The following ADGRB3 variants were observed in gnomAD, a reference collection of about 807,000 sequenced individuals.
The protein encoded by ADGRB3 is brain-specific angiogenesis inhibitor 3.
In ADGRB3, 37 loss-of-function variants were observed where a neutral mutation model predicts 193.4. The observed-to-expected ratio is 0.19, with a 90% CI of 0.15 to 0.25. ADGRB3 has a LOEUF of 0.25. Among genes scored for constraint, ADGRB3 ranks in the 10% least tolerant of loss-of-function variants. The pLI is 1.00. For missense variants in ADGRB3, 1,637 were observed against 1,852.9 expected, an observed-to-expected ratio of 0.88 and a Z score of 2.14; for synonymous variants, 690 against 644.2, an observed-to-expected ratio of 1.07 and a Z score of -1.08.
At chr6:69,323,332 T>C (rs1451929112) in intron 20 of ADGRB3, among the ~76,000 whole-genome samples, 2 of 151,920 alleles carry the variant, frequency 1.3e-5, no homozygotes, top group Non-Finnish European at 2.9e-5. Flanking sequence ...TTCAAATGGA[T>C]TGGTGACTAT....
intron 13 of ADGRB3, among the ~76,000 whole-genome samples, chr6:69,030,954 T>TTTTTTCTTTTCTTTTC (rs149824624): frequency 4.0e-5 from 1 of 24,890 alleles, no homozygotes; most frequent in African/African-American, 2.6e-4. Context: ...TTTTCTTTTC[T>TTTTTTCTTTTCTTTTC]TTTTTTCTTT....
At chr6:69,069,340 C>T (rs764263157) in intron 16 of ADGRB3, among the ~76,000 whole-genome samples, 3 of 151,804 alleles carry the variant, frequency 2.0e-5, no homozygotes, top group Non-Finnish European at 4.4e-5. Context: ...GTCCCTCTCA[C>T]TGATCAACTA....
chr6:68,941,689 T>C (rs1767646679), intron 5 of ADGRB3, among the ~76,000 whole-genome samples: 2 of 151,860 alleles, frequency 1.3e-5, no homozygotes, highest in South Asian at 2.1e-4. Context: ...GGAGAAAAGG[T>C]TTTTAAAATT....
intron 17 of ADGRB3, among the ~76,000 whole-genome samples, chr6:69,199,413 A>C (rs1253822838): frequency 2.0e-5 from 3 of 152,120 alleles, no homozygotes; most frequent in South Asian, 2.1e-4. Flanking sequence ...AATAATCTGC[A>C]TAATACCATT....
chr6:69,351,965 A>C (rs1167931793), intron 26 of ADGRB3, among the ~76,000 whole-genome samples: 1 of 152,178 alleles, frequency 6.6e-6, no homozygotes, highest in Admixed American at 6.5e-5. Flanking sequence ...TTCATGAGAC[A>C]AGCTCCCAGA....
chr6:68,956,252 G>T, intron 7 of ADGRB3, 64 bp downstream of exon 7: 2 of 1,486,864 alleles, frequency 1.3e-6, no homozygotes, highest in South Asian at 2.7e-5. Flanking sequence ...TATAAAATGT[G>T]TCAGAACTAT....
At position 69,060,220 on chromosome 6, in the gene ADGRB3, TTC is replaced by T. The variant is rs556453350; in HGVS notation, c.2334-2685_2334-2684del. Among the ~76,000 whole-genome samples the T allele has an allele frequency of 2.7e-3, 352 of 129,464 alleles. 3 individuals are homozygous for T. Among genetic ancestry groups the T allele is most frequent in the African/African-American group, 7.5e-3 (242 of 32,156 alleles). 84.9% of individuals were successfully genotyped at this position (129,464 alleles called of 152,430 possible). Reference sequence around the variant, plus strand: ...TCTCTTTCTCTGTCTCTCTCTCTCTTTCTCTCTCTCTCTCTCTCTCTCTCTCT... The same window carrying T: ...TCTCTTTCTCTGTCTCTCTCTCTCTTTCTCTCTCTCTCTCTCTCTCTCTCT... On this transcript the variant is annotated intron_variant, in intron 15 of 31. Coordinates refer to ENST00000370598, the MANE Select transcript of ADGRB3 (RefSeq NM_001704.3).
chr6:68,736,040 C>G (rs1332958577), intron 3 of ADGRB3, among the ~76,000 whole-genome samples: 1 of 152,084 alleles, frequency 6.6e-6, no homozygotes, highest in African/African-American at 2.4e-5. Flanking sequence ...GAGACTGAGT[C>G]TTGTTCTGTT....
intron 17 of ADGRB3, among the ~76,000 whole-genome samples, chr6:69,152,841 C>T (rs1280554247): frequency 2.0e-5 from 3 of 152,020 alleles, no homozygotes; most frequent in African/African-American, 7.2e-5. Context: ...TTATGCTGTA[C>T]TGTAATAGTA....
At chr6:68,802,545 T>C (rs1767332658) in intron 3 of ADGRB3, among the ~76,000 whole-genome samples, 1 of 152,164 alleles carries the variant, frequency 6.6e-6, no homozygotes. Flanking sequence ...TGAATATTCA[T>C]GAATCTTGTG....
At chr6:68,958,870 AGTGTG>A (rs1768152709) in intron 8 of ADGRB3, among the ~76,000 whole-genome samples, 1 of 147,234 alleles carries the variant, frequency 6.8e-6, no homozygotes, top group East Asian at 2.0e-4. Context: ...AAAGAAAAAT[AGTGTG>A]TGTGTGTGTG....
chr6:69,300,374 A>G (rs184280273), intron 20 of ADGRB3, among the ~76,000 whole-genome samples: 1 of 151,900 alleles, frequency 6.6e-6, no homozygotes, highest in Non-Finnish European at 1.5e-5. Context: ...TAAACAAGGG[A>G]AAACTAGAAG....
intron 17 of ADGRB3, among the ~76,000 whole-genome samples, chr6:69,111,408 AC>A (rs1243040677): frequency 6.6e-6 from 1 of 150,730 alleles, no homozygotes; most frequent in East Asian, 2.0e-4. Context: ...GAAAAACAAG[AC>A]CCCCCTTTTT....
At chr6:69,247,762 G>A (rs1023006819) in intron 20 of ADGRB3, among the ~76,000 whole-genome samples, 69 of 152,008 alleles carry the variant, frequency 4.5e-4, no homozygotes, top group Admixed American at 4.6e-4. Flanking sequence ...TATATATGGC[G>A]TGAAATTAAT....
At chr6:68,899,297 T>A (rs1766327444) in intron 3 of ADGRB3, among the ~76,000 whole-genome samples, 1 of 152,108 alleles carries the variant, frequency 6.6e-6, no homozygotes, top group South Asian at 2.1e-4. Flanking sequence ...TTGCCATTCT[T>A]TTTTTTATTA....
chr6:68,745,756 T>C (rs1766070809), intron 3 of ADGRB3, among the ~76,000 whole-genome samples: 2 of 152,080 alleles, frequency 1.3e-5, no homozygotes, highest in South Asian at 4.1e-4. Flanking sequence ...TATATGTGTA[T>C]ATATCCCCCC....
intron 16 of ADGRB3, among the ~76,000 whole-genome samples, chr6:69,065,754 T>C (rs1218274530): frequency 4.7e-5 from 3 of 63,440 alleles, no homozygotes; most frequent in African/African-American, 8.7e-5. Context: ...CTGAACTTCA[T>C]GTATATATAT....
intron 20 of ADGRB3, among the ~76,000 whole-genome samples, chr6:69,319,748 T>C (rs1358338608): frequency 2.6e-5 from 4 of 151,508 alleles, no homozygotes; most frequent in African/African-American, 9.7e-5. Context: ...GGTTTTTACA[T>C]GTTAGTATTT....
At chr6:68,773,682 A>G (rs1441320550) in intron 3 of ADGRB3, among the ~76,000 whole-genome samples, 1 of 152,186 alleles carries the variant, frequency 6.6e-6, no homozygotes, top group South Asian at 2.1e-4. Context: ...TGGAAAGTAC[A>G]TTGTGCTATG....
Sources: gnomAD v4.1 joint callset for allele counts (sites outside exome capture counted in the v4.1 genomes callset) on GRCh38, gnomAD v4.1.1 for gene constraint, MANE v1.5 for transcripts, NCBI Gene and HGNC (gene_info 2026-07-23, HGNC 2026-07-21) for gene names.